Variants in SHROOM3 observed in about 807,000 individuals in gnomAD.
SHROOM3 encodes the protein shroom family member 3, also known as protein Shroom3.
A neutral mutation model predicts 138.6 loss-of-function variants in SHROOM3; 47 were observed. The ratio of observed to expected loss-of-function variants is 0.34; its 90% CI spans 0.27 to 0.43. The LOEUF (loss-of-function observed/expected upper bound fraction) is 0.43. SHROOM3 is among the 20% of genes least tolerant of loss of function. SHROOM3 has a pLI of 1.00. For missense variants in SHROOM3, 2,491 were observed against 2,596.5 expected, an observed-to-expected ratio of 0.96 and a Z score of 0.88; for synonymous variants, 1,062 against 1,063.3, an observed-to-expected ratio of 1.00 and a Z score of 0.02.
chr4:76,439,053 C>T (rs66466813), intron 1 of SHROOM3, among the ~76,000 whole-genome samples: 23,550 of 152,170 alleles, frequency 0.15, 1,878 homozygotes, highest in South Asian at 0.23. Context: ...AGGTGACACA[C>T]CTCACACAGA....
chr4:76,475,310 G>A (rs561810971), intron 1 of SHROOM3, among the ~76,000 whole-genome samples: 3 of 152,272 alleles, frequency 2.0e-5, no homozygotes, highest in Admixed American at 1.3e-4. Flanking sequence ...AAACATAACT[G>A]TATTAGTCTA....
chr4:76,532,403 C>T (rs1023445860), intron 1 of SHROOM3: 2 of 152,206 alleles, frequency 1.3e-5, no homozygotes, highest in African/African-American at 4.8e-5. Flanking sequence ...CCCTATTCCA[C>T]TGAAAATAAA....
intron 2 of SHROOM3, among the ~76,000 whole-genome samples, chr4:76,557,178 A>T (rs1181296474): frequency 6.6e-6 from 1 of 151,792 alleles, no homozygotes; most frequent in African/African-American, 2.4e-5. Flanking sequence ...GTATCCATGG[A>T]GGGACAAACC....
chr4:76,440,729 C>A (rs1730651977), intron 1 of SHROOM3, among the ~76,000 whole-genome samples: 1 of 152,162 alleles, frequency 6.6e-6, no homozygotes, highest in Admixed American at 6.5e-5. Context: ...TCTCTTACAT[C>A]ATCAACACTC....
intron 2 of SHROOM3, chr4:76,688,675 A>G (rs1719408442): frequency 1.0e-6 from 1 of 985,346 alleles, no homozygotes; most frequent in African/African-American, 1.7e-5. Flanking sequence ...CTTCCTTTAG[A>G]ATATTAACTG....
intron 4 of SHROOM3, among the ~76,000 whole-genome samples, chr4:76,731,265 A>G (rs1720871684): frequency 6.6e-6 from 1 of 152,150 alleles, no homozygotes; most frequent in Admixed American, 6.5e-5. Context: ...TCAGTGCTTA[A>G]GTGTGCTTTC....
chr4:76,453,091 C>G, intron 1 of SHROOM3, among the ~76,000 whole-genome samples: 1 of 152,196 alleles, frequency 6.6e-6, no homozygotes, highest in African/African-American at 2.4e-5. Context: ...TCCATGGGGT[C>G]TATACCTAGA....
intron 10 of SHROOM3, among the ~76,000 whole-genome samples, chr4:76,776,504 C>G (rs1189735579): frequency 6.6e-6 from 1 of 152,138 alleles, no homozygotes; most frequent in Non-Finnish European, 1.5e-5. Context: ...GATTCTTTGT[C>G]ATGAACTCTT....
intron 2 of SHROOM3, among the ~76,000 whole-genome samples, chr4:76,702,902 C>G (rs1187012133): frequency 6.6e-6 from 1 of 152,126 alleles, no homozygotes; most frequent in Non-Finnish European, 1.5e-5. Context: ...CCTATCCACC[C>G]TTTCCTCATC....
At chr4:76,468,853 A>G (rs1731303295) in intron 1 of SHROOM3, among the ~76,000 whole-genome samples, 1 of 151,928 alleles carries the variant, frequency 6.6e-6, no homozygotes, top group African/African-American at 2.4e-5. Flanking sequence ...AACACGGTGA[A>G]ACCCCATCTC....
At chr4:76,768,741 T>C (rs1722246291) in intron 9 of SHROOM3, among the ~76,000 whole-genome samples, 1 of 152,210 alleles carries the variant, frequency 6.6e-6, no homozygotes, top group South Asian at 2.1e-4. Context: ...CTCAAACTCC[T>C]GACCACAGGT....
At chr4:76,719,456 G>A (rs936942781) in intron 3 of SHROOM3, among the ~76,000 whole-genome samples, 1 of 152,212 alleles carries the variant, frequency 6.6e-6, no homozygotes, top group Non-Finnish European at 1.5e-5. Context: ...TTCTATTTAT[G>A]CTGTGCTGTT....
rs565839095 is a variant in SHROOM3, at chr4:76,568,491, C to T, written c.323+12728C>T. ...AATAGTTTCATCACTTAACTGACCACACTTTTCTCCTGTATCCCCCACCAA... is the reference window on the plus strand; with the variant it reads ...AATAGTTTCATCACTTAACTGACCATACTTTTCTCCTGTATCCCCCACCAA... On this transcript the variant is annotated intron_variant, in intron 2 of 10. Transcript: ENST00000296043. 5.9e-5 allele frequency among the ~76,000 whole-genome samples: 9 copies of T among 152,342 alleles called. No individual in the cohort carries two copies. The South Asian group carries it at 1.7e-3, about 28-fold the overall frequency.
At chr4:76,653,419 C>T (rs1374574848) in intron 2 of SHROOM3, among the ~76,000 whole-genome samples, 11 of 151,810 alleles carry the variant, frequency 7.2e-5, no homozygotes, top group Non-Finnish European at 1.5e-5. Flanking sequence ...TGTCTCCAGA[C>T]ATTGCAGGAT....
At chr4:76,760,893 C>T (rs183938291) in intron 9 of SHROOM3, among the ~76,000 whole-genome samples, 20 of 152,302 alleles carry the variant, frequency 1.3e-4, no homozygotes, top group Admixed American at 2.6e-4. Flanking sequence ...ACATGTATCA[C>T]GTTGCCATGG....
At chr4:76,574,296 C>G (rs984222112) in intron 2 of SHROOM3, among the ~76,000 whole-genome samples, 5 of 152,256 alleles carry the variant, frequency 3.3e-5, no homozygotes, top group South Asian at 4.1e-4. Context: ...CTAGGCCTCA[C>G]CCTGGATAGG....
chr4:76,637,276 C>T (rs1735524183), intron 2 of SHROOM3, among the ~76,000 whole-genome samples: 1 of 152,102 alleles, frequency 6.6e-6, no homozygotes, highest in South Asian at 2.1e-4. Context: ...AAAGATGGAC[C>T]CACAGAGGTT....
intron 3 of SHROOM3, among the ~76,000 whole-genome samples, chr4:76,726,526 C>A (rs1340174622): frequency 7.0e-6 from 1 of 141,964 alleles, no homozygotes; most frequent in Non-Finnish European, 1.5e-5. Flanking sequence ...TCTCTCCACT[C>A]CCATCCCCTC....
intron 2 of SHROOM3, among the ~76,000 whole-genome samples, chr4:76,567,263 G>A (rs1331010275): frequency 6.6e-6 from 1 of 152,128 alleles, no homozygotes; most frequent in Non-Finnish European, 1.5e-5. Flanking sequence ...TGCCAGGCGC[G>A]GTTGCTCATG....
Sources: gnomAD v4.1 joint callset for allele counts (sites outside exome capture counted in the v4.1 genomes callset) on GRCh38, gnomAD v4.1.1 for gene constraint, MANE v1.5 for transcripts, NCBI Gene and HGNC (gene_info 2026-07-23, HGNC 2026-07-21) for gene names.